The following CACNA2D1 variants were observed in gnomAD, a reference collection of about 807,000 sequenced individuals.
CACNA2D1 encodes the protein voltage-dependent calcium channel subunit alpha-2/delta-1.
In CACNA2D1, 53 loss-of-function variants were observed where a neutral mutation model predicts 171.5. That is an observed-to-expected ratio of 0.31 (90% confidence interval 0.25 to 0.39). CACNA2D1 has a LOEUF of 0.39. Ranked by LOEUF, CACNA2D1 falls within the 10% of genes least tolerant of loss-of-function variation. CACNA2D1 has a pLI of 1.00. For synonymous variants in CACNA2D1, 442 were observed against 443.1 expected (o/e 1.00, Z 0.03); for missense variants, 903 against 1,299.8 (o/e 0.69, Z 4.69).
chr7:82,277,199 G>A (rs193153491), intron 3 of CACNA2D1, among the ~76,000 whole-genome samples: 38 of 151,826 alleles, frequency 2.5e-4, no homozygotes, highest in East Asian at 5.9e-4. Flanking sequence ...ATTTAATTGC[G>A]TTTTGCCTTT....
intron 1 of CACNA2D1, among the ~76,000 whole-genome samples, chr7:82,384,857 T>C (rs1824149317): frequency 6.6e-6 from 1 of 152,028 alleles, no homozygotes; most frequent in African/African-American, 2.4e-5. Context: ...AGAGATGGAG[T>C]TCTTTTTTAC....
chr7:82,296,039 C>T (rs1812237353), intron 3 of CACNA2D1, among the ~76,000 whole-genome samples: 1 of 149,864 alleles, frequency 6.7e-6, no homozygotes, highest in South Asian at 2.1e-4. Flanking sequence ...TGTTCTCACT[C>T]ATAGATGGGA....
intron 20 of CACNA2D1, among the ~76,000 whole-genome samples, chr7:81,994,396 A>C (rs1226614983): frequency 6.6e-6 from 1 of 152,114 alleles, no homozygotes; most frequent in Non-Finnish European, 1.5e-5. Flanking sequence ...AAAAGAAGAT[A>C]AATCAAGCCA....
At chr7:82,335,930 A>T (rs1390094687) in intron 2 of CACNA2D1, among the ~76,000 whole-genome samples, 1 of 152,206 alleles carries the variant, frequency 6.6e-6, no homozygotes, top group African/African-American at 2.4e-5. Flanking sequence ...CTTAGTGTCT[A>T]TGGAAGGATT....
At chr7:82,154,148 C>A (rs1187702664) in intron 4 of CACNA2D1, among the ~76,000 whole-genome samples, 2 of 152,008 alleles carry the variant, frequency 1.3e-5, no homozygotes, top group Non-Finnish European at 2.9e-5. Context: ...TAGTTCTCAA[C>A]AAACAGAAAA....
At chr7:82,010,374 CCTT>C (rs1412919237) in intron 15 of CACNA2D1, among the ~76,000 whole-genome samples, 1 of 148,706 alleles carries the variant, frequency 6.7e-6, no homozygotes, top group Non-Finnish European at 1.5e-5. Context: ...TTCACGTGTT[CCTT>C]TTTTTTTTTT....
At chr7:82,286,082 T>G (rs903094143) in intron 3 of CACNA2D1, among the ~76,000 whole-genome samples, 3 of 152,166 alleles carry the variant, frequency 2.0e-5, no homozygotes, top group Admixed American at 2.0e-4. Flanking sequence ...TACACCACTG[T>G]TTCGTACTTT....
intron 1 of CACNA2D1, among the ~76,000 whole-genome samples, chr7:82,437,439 T>G (rs7793312): frequency 0.66 from 99,504 of 151,836 alleles, 33,662 homozygotes; most frequent in African/African-American, 0.83. Context: ...AGTTCAAGTT[T>G]TTCTTCCATT....
At chr7:82,119,540 C>T (rs1054922891) in intron 5 of CACNA2D1, among the ~76,000 whole-genome samples, 7 of 152,028 alleles carry the variant, frequency 4.6e-5, no homozygotes, top group African/African-American at 1.7e-4. Context: ...TTTGTCTCAC[C>T]CTTAGAACTG....
chr7:82,055,014 T>G (rs551359084), intron 10 of CACNA2D1, among the ~76,000 whole-genome samples: 94 of 152,302 alleles, frequency 6.2e-4, no homozygotes, highest in Non-Finnish European at 1.0e-3. Context: ...TGGCAACTAA[T>G]TAAAAGATTC....
intron 3 of CACNA2D1, among the ~76,000 whole-genome samples, chr7:82,197,996 G>C (rs1475275928): frequency 7.2e-6 from 1 of 138,582 alleles, no homozygotes; most frequent in African/African-American, 2.5e-5. Context: ...TAAATGTCAG[G>C]ATCTTTCCTG....
At chr7:82,072,436 T>C (rs1216778033) in intron 7 of CACNA2D1, among the ~76,000 whole-genome samples, 2 of 152,002 alleles carry the variant, frequency 1.3e-5, no homozygotes, top group Admixed American at 6.6e-5. Context: ...AGTATTATTT[T>C]GTCCCCAGGA....
At chr7:82,438,716 A>C (rs899809657) in intron 1 of CACNA2D1, among the ~76,000 whole-genome samples, 1 of 152,214 alleles carries the variant, frequency 6.6e-6, no homozygotes, top group African/African-American at 2.4e-5. Flanking sequence ...TGGTTGACAC[A>C]GTTAGTGACA....
At chr7:82,105,959 C>T (rs565277468) in intron 6 of CACNA2D1, among the ~76,000 whole-genome samples, 74 of 152,214 alleles carry the variant, frequency 4.9e-4, no homozygotes, top group South Asian at 1.9e-3. Flanking sequence ...TACTCTATAA[C>T]TCAGGTAGTA....
At chr7:82,048,620 G>A (rs1187609274) in intron 10 of CACNA2D1, among the ~76,000 whole-genome samples, 2 of 152,008 alleles carry the variant, frequency 1.3e-5, no homozygotes, top group Admixed American at 6.6e-5. Context: ...TGCAGTGTAT[G>A]CATTTTACAA....
intron 38 of CACNA2D1, among the ~76,000 whole-genome samples, chr7:81,956,140 A>G (rs550178815): frequency 6.6e-6 from 1 of 151,468 alleles, no homozygotes; most frequent in South Asian, 2.1e-4. Flanking sequence ...ATGCCCAGCT[A>G]ATTTTTGTAT....
At chr7:82,262,279 C>T (rs1436211873) in intron 3 of CACNA2D1, among the ~76,000 whole-genome samples, 4 of 152,102 alleles carry the variant, frequency 2.6e-5, no homozygotes, top group East Asian at 1.9e-4. Context: ...TGCGGTGAGC[C>T]GAGATGGTGC....
chr7:82,346,006 C>T (rs368345918), intron 2 of CACNA2D1, among the ~76,000 whole-genome samples: 15 of 152,244 alleles, frequency 9.9e-5, no homozygotes, highest in African/African-American at 3.4e-4. Flanking sequence ...TTCTTTGACA[C>T]TTTTTGAGTT....
chr7:82,374,144 C>G (rs978324), intron 1 of CACNA2D1, among the ~76,000 whole-genome samples: 94,992 of 152,038 alleles, frequency 0.62, 30,251 homozygotes, highest in Middle Eastern at 0.74. Context: ...CTCTCCAAGA[C>G]AGTGTAAATG....
Sources: gnomAD v4.1 joint callset for allele counts (sites outside exome capture counted in the v4.1 genomes callset) on GRCh38, gnomAD v4.1.1 for gene constraint, MANE v1.5 for transcripts, NCBI Gene and HGNC (gene_info 2026-07-23, HGNC 2026-07-21) for gene names.